Variants in TGM6 observed in about 807,000 individuals in gnomAD.
TGM6 encodes the protein transglutaminase 6.
In TGM6, 74 loss-of-function variants were observed where a neutral mutation model predicts 77.5. The ratio of observed to expected loss-of-function variants is 0.96; its 90% CI spans 0.79 to 1.16. The LOEUF (loss-of-function observed/expected upper bound fraction) is 1.16, where lower values mean the gene tolerates loss of function less well. Ranked by LOEUF, TGM6 falls within the 50% of genes most tolerant of loss-of-function variation. The probability of loss-of-function intolerance (pLI) is 0.00; values close to 1 mark genes in which losing one functional copy is unlikely to be tolerated. For missense variants in TGM6, 968 were observed against 940.2 expected, an observed-to-expected ratio of 1.03 and a Z score of -0.39; for synonymous variants, 383 against 378.9, an observed-to-expected ratio of 1.01 and a Z score of -0.12.
chr20:2,425,507 G>A (rs1178093748), intron 10 of TGM6, among the ~76,000 whole-genome samples: 1 of 152,102 alleles, frequency 6.6e-6, no homozygotes, highest in Admixed American at 6.6e-5. Flanking sequence ...AGTAAAATAA[G>A]GTATGCCTGT....
chr20:2,416,569 G>C (rs1319186245), intron 9 of TGM6, among the ~76,000 whole-genome samples: 5 of 152,154 alleles, frequency 3.3e-5, no homozygotes, highest in East Asian at 1.9e-4. Flanking sequence ...TTAGGAAAAG[G>C]GTGGTAACTT....
intron 1 of TGM6, among the ~76,000 whole-genome samples, chr20:2,381,291 CT>C (rs1316194548): frequency 3.3e-5 from 5 of 152,134 alleles, no homozygotes; most frequent in African/African-American, 1.2e-4. Context: ...AGAAAATCTC[CT>C]TGCACCCCAT....
At chr20:2,420,435 G>C (rs1599965482) in intron 10 of TGM6, among the ~76,000 whole-genome samples, 1 of 152,236 alleles carries the variant, frequency 6.6e-6, no homozygotes, top group African/African-American at 2.4e-5. Flanking sequence ...TCTTGCTTTA[G>C]TGTGGTACAT....
At chr20:2,408,288 C>T (rs2084764916) in intron 9 of TGM6, among the ~76,000 whole-genome samples, 1 of 152,144 alleles carries the variant, frequency 6.6e-6, no homozygotes, top group African/African-American at 2.4e-5. Flanking sequence ...ATTCAGAGCC[C>T]CTGGGTACAA....
At chr20:2,414,159 G>A (rs1353373345) in intron 9 of TGM6, among the ~76,000 whole-genome samples, 1 of 152,078 alleles carries the variant, frequency 6.6e-6, no homozygotes, top group African/African-American at 2.4e-5. Context: ...AGTACTTGAG[G>A]CTAGGAGTTC....
chr20:2,419,372 AAGG>A (rs1346975494), intron 10 of TGM6, among the ~76,000 whole-genome samples: 1 of 152,242 alleles, frequency 6.6e-6, no homozygotes, highest in Non-Finnish European at 1.5e-5. Context: ...AAAATGTATG[AAGG>A]AGGTGTCACA....
At chr20:2,384,148 C>T (rs900092419) in intron 1 of TGM6, among the ~76,000 whole-genome samples, 1 of 151,074 alleles carries the variant, frequency 6.6e-6, no homozygotes, top group South Asian at 2.1e-4. Context: ...TAGAGCTCAT[C>T]ACTGTGGACC....
At chr20:2,395,837 C>T (rs1232431277) in intron 3 of TGM6, among the ~76,000 whole-genome samples, 1 of 152,308 alleles carries the variant, frequency 6.6e-6, no homozygotes, top group African/African-American at 2.4e-5. Flanking sequence ...GTATGAGATA[C>T]ATCATAAGGC....
chr20:2,396,973 G>A (rs776903666), intron 4 of TGM6, among the ~76,000 whole-genome samples: 1 of 152,214 alleles, frequency 6.6e-6, no homozygotes, highest in Non-Finnish European at 1.5e-5. Context: ...AGTAGGTCTT[G>A]GGCAGGGCCT....
intron 1 of TGM6, among the ~76,000 whole-genome samples, chr20:2,394,114 A>T (rs776621077): frequency 2.6e-5 from 4 of 151,950 alleles, no homozygotes; most frequent in Non-Finnish European, 5.9e-5. Flanking sequence ...ACATGGCAAA[A>T]CCCCATCTCT....
At chr20:2,401,930 C>A (rs1444356811) in intron 7 of TGM6, among the ~76,000 whole-genome samples, 2 of 152,176 alleles carry the variant, frequency 1.3e-5, no homozygotes, top group Admixed American at 6.5e-5. Flanking sequence ...CCACTCAAAG[C>A]CAACTTTCTA....
intron 9 of TGM6, among the ~76,000 whole-genome samples, chr20:2,414,403 G>A (rs2084802076): frequency 6.6e-6 from 1 of 152,156 alleles, no homozygotes; most frequent in African/African-American, 2.4e-5. Flanking sequence ...TCATCAAAAA[G>A]ATAGACAATT....
rs1184783958 is a variant in TGM6 at position 2,403,770 on chromosome 20, C to T, written c.1283C>T (p.Ala428Val). 8 of 1,614,044 alleles carry T rather than the reference C, an allele frequency of 5.0e-6. No homozygotes were observed. Among genetic ancestry groups the T allele is most frequent in the East Asian group, 2.2e-5 (1 of 44,880 alleles). The change falls in exon 9 of 13, where the codon GCG (alanine) becomes GTG (valine). Residue 428 changes from alanine to valine, a missense_variant. Physicochemically the swap from Ala to Val is moderately conservative, Grantham distance 64 (BLOSUM62 0). Transcript: ENST00000202625. The part of the protein sequence containing the change: ...KKIGRCISTK[A>V]VGSDSRVDIT... ...ATTGGGAGATGCATCAGCACCAAGGCGGTGGGCAGTGACTCCCGCGTGGAC... is the reference window on the plus strand; with the variant it reads ...ATTGGGAGATGCATCAGCACCAAGGTGGTGGGCAGTGACTCCCGCGTGGAC...
rs563770416 is a variant in TGM6, at chr20:2,381,638, C to T, written c.7+663C>T. ...AACAGTAGACTCAGAAAATGTGGGT[C>T]GGGCACAGTGGCTCACGCCTCTAAT... On this transcript the variant is annotated intron_variant, in intron 1 of 12. Transcript: ENST00000202625. Among the ~76,000 whole-genome samples the T allele has an allele frequency of 3.9e-5, 6 of 152,286 alleles. No homozygotes were observed. The South Asian group carries it at 6.2e-4, about 16-fold the overall frequency.
rs150232313 is a variant in TGM6 at position 2,404,896 on chromosome 20, C to T, written c.1336+1073C>T. ...CCTCAGGTGATCTACTCACCTCAGC[C>T]TCCCAAAGTGCTGGGATTACAGGCA... On this transcript the variant is annotated intron_variant, in intron 9 of 12. Coordinates refer to ENST00000202625, the MANE Select transcript of TGM6 (RefSeq NM_198994.3). 3.8e-3 allele frequency among the ~76,000 whole-genome samples: 572 copies of T among 152,350 alleles called. 4 individuals are homozygous for T. Among genetic ancestry groups the T allele is most frequent in the African/African-American group, 0.013 (546 of 41,578 alleles).
At chr20:2,424,427 T>C (rs1184241885) in intron 10 of TGM6, among the ~76,000 whole-genome samples, 3 of 152,220 alleles carry the variant, frequency 2.0e-5, no homozygotes, top group African/African-American at 7.2e-5. Flanking sequence ...TTAAACCTTA[T>C]GAACCAACCT....
intron 9 of TGM6, among the ~76,000 whole-genome samples, chr20:2,409,241 A>C (rs1016701099): frequency 2.6e-5 from 4 of 152,246 alleles, no homozygotes; most frequent in African/African-American, 7.2e-5. Context: ...CCAGTGAGCC[A>C]AAGGAAAGAT....
intron 4 of TGM6, among the ~76,000 whole-genome samples, chr20:2,397,528 T>C (rs930226720): frequency 1.3e-5 from 2 of 152,204 alleles, no homozygotes; most frequent in Non-Finnish European, 2.9e-5. Context: ...GAAACCTAAA[T>C]GTGTATGCAA....
At position 2,421,155 on chromosome 20, in the gene TGM6, T is replaced by G. The variant is rs145785669; in HGVS notation, c.1678+3582T>G. On this transcript the variant is annotated intron_variant, in intron 10 of 12. Transcript: ENST00000202625. ...GCACACACGACTACACCTAGTTAATTTTTGTATTTTTAGTAAAGACAGGGT... is the reference window on the plus strand; with the variant it reads ...GCACACACGACTACACCTAGTTAATGTTTGTATTTTTAGTAAAGACAGGGT... 3.2e-4 allele frequency among the ~76,000 whole-genome samples: 48 copies of G among 152,168 alleles called. No homozygotes were observed. In the East Asian group the frequency reaches 8.5e-3, roughly 27 times the overall value.
Sources: gnomAD v4.1 joint callset for allele counts (sites outside exome capture counted in the v4.1 genomes callset) on GRCh38, gnomAD v4.1.1 for gene constraint, MANE v1.5 for transcripts, NCBI Gene and HGNC (gene_info 2026-07-23, HGNC 2026-07-21) for gene names.